KIF13B: variants seen among roughly 807,000 people sequenced by gnomAD.
The protein encoded by KIF13B is kinesin family member 13B, also known as kinesin-like protein KIF13B.
Under a neutral mutation model 222.0 loss-of-function variants are expected in KIF13B, and 127 were observed. The ratio of observed to expected loss-of-function variants is 0.57; its 90% CI spans 0.50 to 0.66. The LOEUF is 0.66. Ranked by LOEUF, KIF13B falls within the 30% of genes least tolerant of loss-of-function variation. The probability of loss-of-function intolerance (pLI) is 0.00; values close to 1 mark genes in which losing one functional copy is unlikely to be tolerated. For missense variants in KIF13B, 2,173 were observed against 2,379.0 expected (o/e 0.91, Z 1.80); for synonymous variants, 976 against 919.0 (o/e 1.06, Z -1.12).
chr8:29,117,099 G>T, intron 30 of KIF13B, 92 bp from the exon 31 acceptor site: 2 of 1,124,300 alleles, frequency 1.8e-6, no homozygotes, highest in Non-Finnish European at 1.2e-6. Flanking sequence ...GGCTGAAAGG[G>T]CACATGCCAG....
chr8:29,162,343 C>G (rs1458441789), intron 12 of KIF13B, among the ~76,000 whole-genome samples: 3 of 152,192 alleles, frequency 2.0e-5, no homozygotes, highest in African/African-American at 7.2e-5. Flanking sequence ...GCCAATATAT[C>G]CTGCCTAGAA....
intron 24 of KIF13B, among the ~76,000 whole-genome samples, chr8:29,127,922 A>C (rs886406909): frequency 6.6e-6 from 1 of 151,968 alleles, no homozygotes; most frequent in African/African-American, 2.4e-5. Context: ...ATAACCTTAA[A>C]CTGTGAAACA....
At chr8:29,246,965 T>A (rs957431337) in intron 1 of KIF13B, among the ~76,000 whole-genome samples, 1 of 152,176 alleles carries the variant, frequency 6.6e-6, no homozygotes, top group Non-Finnish European at 1.5e-5. Context: ...AAGGGCTAAA[T>A]GTAAAAACTA....
At chr8:29,086,664 T>G (rs1808059872) in intron 37 of KIF13B, among the ~76,000 whole-genome samples, 1 of 152,244 alleles carries the variant, frequency 6.6e-6, no homozygotes, top group Admixed American at 6.5e-5. Flanking sequence ...TGTTTTGTTT[T>G]TGTGCTGTTT....
chr8:29,123,782 A>G (rs1222100095), intron 27 of KIF13B, among the ~76,000 whole-genome samples: 3 of 152,306 alleles, frequency 2.0e-5, no homozygotes, highest in Non-Finnish European at 4.4e-5. Context: ...ATCTTTGACA[A>G]ACCATGTATG....
intron 2 of KIF13B, among the ~76,000 whole-genome samples, chr8:29,238,541 T>A (rs1815615272): frequency 6.6e-6 from 1 of 152,256 alleles, no homozygotes; most frequent in Non-Finnish European, 1.5e-5. Flanking sequence ...AAAGATGATG[T>A]GATCAACATC....
rs1420536202 is a variant in KIF13B, at chr8:29,092,683, CG to C, written c.4458+61del. On this transcript the variant is annotated intron_variant, in intron 37 of 39. Transcript: ENST00000524189. ...GCCGCACCTCCACCTCCAGCTTTGG[CG>C]CAACACAGAGCACCGCTTTATTAGA... 22 of 1,500,596 alleles carry C rather than the reference CG, an allele frequency of 1.5e-5. No individual in the cohort carries two copies. In the Admixed American group the frequency reaches 2.6e-4, roughly 18 times the overall value. 93.0% of individuals were successfully genotyped at this position (1,500,596 alleles called of 1,614,324 possible).
chr8:29,123,906 C>T (rs954081580), intron 27 of KIF13B, 118 bp downstream of exon 27: 2 of 658,658 alleles, frequency 3.0e-6, no homozygotes, highest in African/African-American at 1.8e-5. Flanking sequence ...TCATCTGCTC[C>T]TGCCATCCCC....
At chr8:29,240,010 A>G (rs1223570526) in intron 2 of KIF13B, among the ~76,000 whole-genome samples, 2 of 151,782 alleles carry the variant, frequency 1.3e-5, no homozygotes, top group African/African-American at 4.8e-5. Flanking sequence ...TGGAATCTAA[A>G]AGAAAAAAAA....
chr8:29,170,605 G>T (rs555475296), intron 10 of KIF13B, among the ~76,000 whole-genome samples: 1 of 152,258 alleles, frequency 6.6e-6, no homozygotes, highest in Admixed American at 6.5e-5. Context: ...AGGGAGGAGA[G>T]ACTGAAGAGA....
rs768534631 is a variant in KIF13B at position 29,070,592 on chromosome 8, G to C, written c.5393C>G (p.Ala1798Gly). 5.0e-6 allele frequency: 8 copies of C among 1,597,618 alleles called. No individual in the cohort carries two copies. Among genetic ancestry groups the C allele is most frequent in the South Asian group, 4.5e-5 (4 of 88,952 alleles). The change falls in exon 40 of 40, where the codon GCC (alanine) becomes GGC (glycine). Residue 1798 changes from alanine (A) to glycine (G), a missense_variant. By Grantham distance (60) the Ala-to-Gly change is moderately conservative. Transcript: ENST00000524189. This position sits in a 1 kb window ranked among gnomAD's most constrained non-coding sequence, Gnocchi z 4.1. Reference protein sequence around the residue: ...ARRSATLSGSATNLASLTAAL... With the variant: ...ARRSATLSGSGTNLASLTAAL... Reference sequence around the variant, plus strand: ...AGCTGTCAGCGAGGCCAGGTTGGTGGCGGAGCCCGAGAGGGTGGCGCTCCG... The same window carrying C: ...AGCTGTCAGCGAGGCCAGGTTGGTGCCGGAGCCCGAGAGGGTGGCGCTCCG...
chr8:29,240,113 A>T (rs1259129901), intron 2 of KIF13B, among the ~76,000 whole-genome samples: 1 of 151,234 alleles, frequency 6.6e-6, no homozygotes, highest in Non-Finnish European at 1.5e-5. Flanking sequence ...TAAGTGGGTG[A>T]TATTATTTTC....
intron 38 of KIF13B, among the ~76,000 whole-genome samples, chr8:29,072,757 G>A (rs532508656): frequency 2.6e-3 from 401 of 152,260 alleles, no homozygotes; most frequent in African/African-American, 9.2e-3. Flanking sequence ...GGCCTGCCAT[G>A]CAGGGCCAGC....
intron 2 of KIF13B, among the ~76,000 whole-genome samples, chr8:29,228,847 A>G (rs909986904): frequency 2.6e-5 from 4 of 152,086 alleles, no homozygotes; most frequent in Non-Finnish European, 4.4e-5. Flanking sequence ...CTCTAAACAT[A>G]GAAGGTTGTT....
intron 33 of KIF13B, 137 bp from the exon 34 acceptor site, chr8:29,109,648 T>C: frequency 3.8e-6 from 3 of 783,432 alleles, no homozygotes; most frequent in Non-Finnish European, 6.6e-6. Flanking sequence ...ACGTGATTAT[T>C]ACGTACTGCA....
chr8:29,228,473 A>AAAAAAAAAAAAAG (rs369624890), intron 2 of KIF13B, among the ~76,000 whole-genome samples: 7 of 17,760 alleles, frequency 3.9e-4, no homozygotes, highest in African/African-American at 7.3e-4. Context: ...TCTTAAAAAA[A>AAAAAAAAAAAAAG]TATATATATA....
At chr8:29,157,392 C>CAAAA (rs371702237) in intron 13 of KIF13B, among the ~76,000 whole-genome samples, 40 of 89,144 alleles carry the variant, frequency 4.5e-4, no homozygotes, top group African/African-American at 1.5e-3. Flanking sequence ...TCGTCTCTAC[C>CAAAA]AAAAAAAAAA....
At chr8:29,261,252 C>T (rs1685075751) in intron 1 of KIF13B, among the ~76,000 whole-genome samples, 1 of 152,198 alleles carries the variant, frequency 6.6e-6, no homozygotes, top group African/African-American at 2.4e-5. Context: ...ATCCGTTCCA[C>T]AGCTAAAACT....
intron 10 of KIF13B, 149 bp downstream of exon 10, chr8:29,175,919 A>G (rs941572183): frequency 4.7e-6 from 3 of 640,888 alleles, no homozygotes; most frequent in African/African-American, 1.9e-5. Context: ...TATTCCATCA[A>G]AAATGTCATT....
Sources: allele counts gnomAD v4.1 joint callset (sites outside exome capture counted in the v4.1 genomes callset), GRCh38; gene constraint gnomAD v4.1.1; non-coding constraint Gnocchi (gnomAD v3.1); transcripts MANE v1.5; gene names NCBI Gene and HGNC (gene_info 2026-07-23, HGNC 2026-07-21).